The following TRIM46 variants were observed in gnomAD, a reference collection of about 807,000 sequenced individuals.
The protein encoded by TRIM46 is tripartite motif-containing protein 46.
A neutral mutation model predicts 69.7 loss-of-function variants in TRIM46; 17 were observed. The ratio of observed to expected loss-of-function variants is 0.24; its 90% confidence interval spans 0.17 to 0.37. The LOEUF (loss-of-function observed/expected upper bound fraction) is 0.37, where lower values mean the gene tolerates loss of function less well. Among genes scored for constraint, TRIM46 ranks in the 10% least tolerant of loss-of-function variants. TRIM46 has a pLI of 1.00. For missense variants in TRIM46, 675 were observed against 1,025.1 expected, an observed-to-expected ratio of 0.66 and a Z score of 4.66; for synonymous variants, 391 against 429.0, an observed-to-expected ratio of 0.91 and a Z score of 1.09.
At chr1:155,174,868 A>G in intron 1 of TRIM46, 1 of 1,413,306 alleles carries the variant, frequency 7.1e-7, no homozygotes, top group Admixed American at 3.1e-5. Flanking sequence ...AAGGATGGGG[A>G]ATGGAGGCTG....
In TRIM46 at chr1:155,173,908, CG is replaced by C; in HGVS notation, c.-55del. On this transcript the variant is annotated 5_prime_UTR_variant, in exon 1 of 10. Coordinates refer to ENST00000334634, the MANE Select transcript of TRIM46 (RefSeq NM_025058.5). Reference sequence around the variant, plus strand: ...CCCCACTGGGCTCCTGCATTAAGCCCGGGGTTCGCAGCCGCAGCCGGGATCG... The same window carrying C: ...CCCCACTGGGCTCCTGCATTAAGCCCGGGTTCGCAGCCGCAGCCGGGATCG... 1 of 1,532,822 alleles carries C rather than the reference CG, an allele frequency of 6.5e-7. No homozygotes were observed. The highest frequency in any genetic ancestry group is 1.2e-5 in the South Asian group (1 of 83,852). 95.0% of individuals were successfully genotyped at this position (1,532,822 alleles called of 1,614,324 possible).
Position 155,181,803 on chromosome 1 carries a change from G to T in TRIM46, c.1589-49G>T. 6.4e-7 allele frequency: 1 copy of T among 1,568,606 alleles called. No homozygotes were observed. The highest frequency in any genetic ancestry group is 8.7e-7 in the Non-Finnish European group (1 of 1,152,834). On this transcript the variant is annotated intron_variant, in intron 8 of 9. Transcript: ENST00000334634. This position sits in a 1 kb window ranked among gnomAD's most constrained non-coding sequence, Gnocchi z 4.3. ...CAGTCTCACAGCCCCCAGTGCCAGT[G>T]TTTGTCCCTGAAGTTCTTGCTCCAT...
At chr1:155,178,739 T>TGGGGCCCCCCCCCCC in intron 7 of TRIM46, 126 bp downstream of exon 7, 5 of 1,348,460 alleles carry the variant, frequency 3.7e-6, no homozygotes, top group Non-Finnish European at 5.1e-6. Flanking sequence ...CAGCCATTCC[T>TGGGGCCCCCCCCCCC]CCCACCCAGC....
chr1:155,178,074 C>T lies in TRIM46; in HGVS notation c.982C>T (p.Arg328Trp), dbSNP rs1197218532. The change falls in exon 6 of 10, where the codon CGG becomes TGG. Residue 328 changes from arginine to tryptophan, a missense_variant. Transcript: ENST00000334634. The stretch of plus-strand genomic sequence containing the variant: ...GCTGGGGGCTGTGCTGGAGGAGAAG[C>T]GGGCATCACTGCTTCAGGCCATTGA... ...RGLGAVLEEKRASLLQAIEEC... is the reference protein window; with the variant it reads ...RGLGAVLEEKWASLLQAIEEC... The T allele has an allele frequency of 4.3e-6, 7 of 1,613,870 alleles. No individual in the cohort carries two copies. The highest frequency in any genetic ancestry group is 5.1e-6 in the Non-Finnish European group (6 of 1,180,000).
At position 155,184,299 on chromosome 1, in the gene TRIM46, C is replaced by A; in HGVS notation, c.*109C>A. On this transcript the variant is annotated 3_prime_UTR_variant, in exon 10 of 10. Coordinates refer to ENST00000334634, the MANE Select transcript of TRIM46 (RefSeq NM_025058.5). This position sits in a 1 kb window ranked among gnomAD's most constrained non-coding sequence, Gnocchi z 5.6. ...CAGCTTCTCCCCCAAACTCTCCTACCATGTGGCCCTGCTCCTTCTCCCGTG... is the reference window on the plus strand; with the variant it reads ...CAGCTTCTCCCCCAAACTCTCCTACAATGTGGCCCTGCTCCTTCTCCCGTG... The A allele has an allele frequency of 8.3e-7, 1 of 1,210,470 alleles. No homozygotes were observed. The allele number at this position is 1,210,470 out of a possible 1,614,324, so 75.0% of individuals were successfully genotyped here. A position where few individuals can be genotyped will look rare whatever the true frequency, so the allele number is the denominator to read the frequency against.
chr1:155,183,371 A>C (rs1446984466), intron 9 of TRIM46, among the ~76,000 whole-genome samples: 2 of 149,866 alleles, frequency 1.3e-5, no homozygotes, highest in African/African-American at 4.9e-5. Flanking sequence ...AACACCCTTC[A>C]TTTGTGACAC....
chr1:155,180,269 C>A (rs1047758648), intron 8 of TRIM46, among the ~76,000 whole-genome samples: 1 of 152,082 alleles, frequency 6.6e-6, no homozygotes, highest in Non-Finnish European at 1.5e-5. Context: ...GAGTTCAAGA[C>A]CAACCTGGCC....
chr1:155,178,378 C>T lies in TRIM46; in HGVS notation c.1164-114C>T, dbSNP rs1440404579. On this transcript the variant is annotated intron_variant, in intron 6 of 9. Coordinates refer to ENST00000334634, the MANE Select transcript of TRIM46 (RefSeq NM_025058.5). The stretch of plus-strand genomic sequence containing the variant: ...TTCTAAGGATTCTCATGAGGCCAAA[C>T]TGATACCAGCTCCCAAAGCAGTTCC... 1.9e-6 allele frequency: 3 copies of T among 1,575,936 alleles called. No individual in the cohort carries two copies. In the African/African-American group the frequency reaches 4.0e-5, roughly 21 times the overall value.
At chr1:155,178,642 A>T (rs923438757) in intron 7 of TRIM46, 29 bp downstream of exon 7, 1 of 1,608,444 alleles carries the variant, frequency 6.2e-7, no homozygotes, top group Non-Finnish European at 8.5e-7. Flanking sequence ...CCCATGCCCA[A>T]CCAGAGCCTT....
At chr1:155,177,812 C>A (rs1665803277) in intron 5 of TRIM46, among the ~76,000 whole-genome samples, 190 bp from the exon 6 acceptor site, 1 of 152,166 alleles carries the variant, frequency 6.6e-6, no homozygotes, top group Non-Finnish European at 1.5e-5. Flanking sequence ...CACAAATGAC[C>A]AGGAGTTGAG....
rs1365321160 is a variant in TRIM46 at position 155,184,651 on chromosome 1, A to T, written c.*461A>T. 6.1e-6 allele frequency: 1 copy of T among 162,860 alleles called. No individual in the cohort carries two copies. The highest frequency in any genetic ancestry group is 1.3e-5 in the Non-Finnish European group (1 of 74,306). 10.1% of individuals were successfully genotyped at this position (162,860 alleles called of 1,614,324 possible). A position where few individuals can be genotyped will look rare whatever the true frequency, so the allele number is the denominator to read the frequency against. On this transcript the variant is annotated 3_prime_UTR_variant, in exon 10 of 10. Transcript: ENST00000334634. This position sits in a 1 kb window ranked among gnomAD's most constrained non-coding sequence, Gnocchi z 5.6. ...CTTTGGGGCTGGACGCTGTCCAGGC[A>T]TTCCTGGTGAGGGGAAGGGGACCCT...
rs1665633040 is a variant in TRIM46, at chr1:155,176,081, G to A, written c.519G>A (p.Gln173=). 6.2e-7 allele frequency: 1 copy of A among 1,614,160 alleles called. No individual in the cohort carries two copies. Residue 173 remains glutamine (Q), a synonymous_variant, in exon 3 of 10, where the codon CAG becomes CAA. Transcript: ENST00000334634. Reference sequence around the variant, plus strand: ...GTGTGGGAGGTGCCATCCTGTGCCAGTTGTGCAAGCCCCCACCACTAGAGG... The same window carrying A: ...GTGTGGGAGGTGCCATCCTGTGCCAATTGTGCAAGCCCCCACCACTAGAGG... The part of the protein sequence containing the change: ...SVSVGGAILC[Q]LCKPPPLEAT...
intron 7 of TRIM46, 23 bp downstream of exon 7, chr1:155,178,636 T>C (rs1176756548): frequency 3.1e-6 from 5 of 1,609,754 alleles, no homozygotes; most frequent in African/African-American, 1.3e-5. Context: ...CCAGGCCCCA[T>C]GCCCAACCAG....
intron 1 of TRIM46, chr1:155,174,891 GCCGGAGCTGCGGCAGGA>G: frequency 7.1e-7 from 1 of 1,408,708 alleles, no homozygotes; most frequent in Non-Finnish European, 9.2e-7. Context: ...GTGGCCGCAG[GCCGGAGCTGCGGCAGGA>G]GGACGTATGG....
rs1380821283 is a variant in TRIM46, at chr1:155,181,769, C to T, written c.1589-83C>T. 1 of 1,487,422 alleles carries T rather than the reference C, an allele frequency of 6.7e-7. No homozygotes were observed. Among genetic ancestry groups the T allele is most frequent in the Non-Finnish European group, 9.1e-7 (1 of 1,094,388 alleles). 92.1% of individuals were successfully genotyped at this position (1,487,422 alleles called of 1,614,324 possible). A position where few individuals can be genotyped will look rare whatever the true frequency, so the allele number is the denominator to read the frequency against. On this transcript the variant is annotated intron_variant, in intron 8 of 9. Coordinates refer to ENST00000334634, the MANE Select transcript of TRIM46 (RefSeq NM_025058.5). This position sits in a 1 kb window ranked among gnomAD's most constrained non-coding sequence, Gnocchi z 4.3. ...GACTGAACCCCCTTGCAACGCGTTCCCTGTTCTGCAGTCTCACAGCCCCCA... is the reference window on the plus strand; with the variant it reads ...GACTGAACCCCCTTGCAACGCGTTCTCTGTTCTGCAGTCTCACAGCCCCCA...
intron 7 of TRIM46, 107 bp downstream of exon 7, chr1:155,178,720 C>A: frequency 6.5e-7 from 1 of 1,539,352 alleles, no homozygotes; most frequent in South Asian, 1.2e-5. Flanking sequence ...GCCTCCTGCC[C>A]GGCCTGGCCA....
intron 9 of TRIM46, 38 bp from the exon 10 acceptor site, chr1:155,183,759 T>A: frequency 6.3e-7 from 1 of 1,594,538 alleles, no homozygotes. Context: ...CGTCACTCCA[T>A]CCCTCAACAA....
In TRIM46 at chr1:155,182,145, C is replaced by A; in HGVS notation, c.1882C>A (p.Pro628Thr). The A allele has an allele frequency of 6.2e-7, 1 of 1,613,778 alleles. No individual in the cohort carries two copies. The highest frequency in any genetic ancestry group is 8.5e-7 in the Non-Finnish European group (1 of 1,179,868). ...CCAGGGTGCCCCCGATGTGATCAGC[C>A]CCAGGTCAGACCCCTCTGGAAGGGA... is the stretch of plus-strand genomic sequence containing the variant. ...SFQGAPDVIS[P>T]RYDPDSGHDS... Residue 628 changes from proline to threonine, a missense_variant, in exon 9 of 10, where the codon CCC (proline) becomes ACC (threonine). By Grantham distance (38) the Pro-to-Thr change is conservative (BLOSUM62 -1). Around this residue, in one of 5 missense-constraint regions of TRIM46, gnomAD observed 35 missense variants for 99.3 expected, o/e 0.35. Transcript: ENST00000334634.
In TRIM46 at chr1:155,178,055, G is replaced by T; in HGVS notation, c.963G>T (p.Gly321=). ...EEVSQLVRGL[G]AVLEEKRASL... is the part of the protein sequence containing the mutation. ...TGTCGCAGCTGGTGCGGGGGCTGGG[G>T]GCTGTGCTGGAGGAGAAGCGGGCAT... The change falls in exon 6 of 10, where the codon GGG becomes GGT. Residue 321 remains glycine, a synonymous_variant. Transcript: ENST00000334634. 11 of 1,613,892 alleles carry T rather than the reference G, an allele frequency of 6.8e-6. No homozygotes were observed. Among genetic ancestry groups the T allele is most frequent in the Non-Finnish European group, 9.3e-6 (11 of 1,180,006 alleles).
Sources: allele counts gnomAD v4.1 joint callset (sites outside exome capture counted in the v4.1 genomes callset), GRCh38; gene constraint gnomAD v4.1.1; regional missense constraint gnomAD v4.1.1; non-coding constraint Gnocchi (gnomAD v3.1); transcripts MANE v1.5; gene names NCBI Gene and HGNC (gene_info 2026-07-23, HGNC 2026-07-21).